Variants in F13A1 observed in about 807,000 individuals in gnomAD.
F13A1 encodes FSF, A subunit.
Under a neutral mutation model 80.1 loss-of-function variants are expected in F13A1, and 47 were observed. The ratio of observed to expected loss-of-function variants is 0.59; its 90% confidence interval spans 0.46 to 0.75. The LOEUF (loss-of-function observed/expected upper bound fraction) is 0.75, where lower values mean the gene tolerates loss of function less well. Among genes scored for constraint, F13A1 ranks in the 30% least tolerant of loss-of-function variants. The pLI is 0.00. For synonymous variants in F13A1, 349 were observed against 344.9 expected (o/e 1.01, Z -0.13); for missense variants, 817 against 930.4 (o/e 0.88, Z 1.59).
intron 3 of F13A1, among the ~76,000 whole-genome samples, chr6:6,303,455 A>G (rs1561685060): frequency 1.3e-5 from 2 of 152,168 alleles, no homozygotes; most frequent in Non-Finnish European, 2.9e-5. Context: ...TTTGATCAAT[A>G]TGTGATGTTT....
intron 10 of F13A1, among the ~76,000 whole-genome samples, chr6:6,183,269 T>C (rs1470127482): frequency 1.3e-5 from 2 of 152,234 alleles, no homozygotes; most frequent in African/African-American, 4.8e-5. Context: ...TCCTTCTTCA[T>C]AGGACGATTG....
intron 13 of F13A1, among the ~76,000 whole-genome samples, chr6:6,155,457 T>G (rs1041670293): frequency 1.3e-5 from 2 of 152,114 alleles, no homozygotes; most frequent in African/African-American, 4.8e-5. Flanking sequence ...GGGAGAAGGA[T>G]GGGGAGGGGT....
chr6:6,278,170 G>A (rs917506959), intron 3 of F13A1, among the ~76,000 whole-genome samples: 1 of 152,182 alleles, frequency 6.6e-6, no homozygotes, highest in Non-Finnish European at 1.5e-5. Context: ...ACTGTTCTAG[G>A]TACTGAGAAT....
At chr6:6,203,430 G>A (rs1761432509) in intron 8 of F13A1, among the ~76,000 whole-genome samples, 1 of 152,214 alleles carries the variant, frequency 6.6e-6, no homozygotes, top group African/African-American at 2.4e-5. Context: ...CTCATCAGAT[G>A]AGCCTTTTAA....
intron 6 of F13A1, among the ~76,000 whole-genome samples, chr6:6,246,144 T>A (rs1457446247): frequency 2.0e-5 from 3 of 152,198 alleles, no homozygotes; most frequent in Non-Finnish European, 4.4e-5. Context: ...ATTTAAAGAT[T>A]TTTTTTGTCT....
At chr6:6,207,093 A>C (rs1336806449) in intron 8 of F13A1, among the ~76,000 whole-genome samples, 1 of 152,104 alleles carries the variant, frequency 6.6e-6, no homozygotes, top group Admixed American at 6.6e-5. Context: ...TTCAAGGAAA[A>C]AAACAAACAA....
chr6:6,148,451 T>C (rs1760321961), intron 14 of F13A1, among the ~76,000 whole-genome samples: 1 of 152,136 alleles, frequency 6.6e-6, no homozygotes, highest in Non-Finnish European at 1.5e-5. Flanking sequence ...TGTGGGTGAA[T>C]GAGTGGGGGT....
intron 12 of F13A1, among the ~76,000 whole-genome samples, chr6:6,168,211 T>C (rs1302655872): frequency 6.6e-6 from 1 of 152,262 alleles, no homozygotes; most frequent in Non-Finnish European, 1.5e-5. Flanking sequence ...TCCGAACCTC[T>C]GTTTGTGATT....
intron 10 of F13A1, among the ~76,000 whole-genome samples, chr6:6,191,923 G>A (rs1761208756): frequency 6.6e-6 from 1 of 152,212 alleles, no homozygotes; most frequent in African/African-American, 2.4e-5. Context: ...AAACAACAGG[G>A]CAGATGGTGA....
At chr6:6,283,329 C>G (rs944267577) in intron 3 of F13A1, among the ~76,000 whole-genome samples, 1 of 152,174 alleles carries the variant, frequency 6.6e-6, no homozygotes, top group Non-Finnish European at 1.5e-5. Flanking sequence ...TGATCCTGGA[C>G]TAGCTTCTGT....
chr6:6,188,254 C>T (rs1022048737), intron 10 of F13A1, among the ~76,000 whole-genome samples: 5 of 151,538 alleles, frequency 3.3e-5, no homozygotes, highest in Admixed American at 6.6e-5. Flanking sequence ...TTATTTCTTG[C>T]CTTCTGCTAG....
intron 10 of F13A1, among the ~76,000 whole-genome samples, chr6:6,192,097 C>G (rs1761211799): frequency 6.6e-6 from 1 of 152,134 alleles, no homozygotes; most frequent in Admixed American, 6.5e-5. Context: ...TCTAAAAGTG[C>G]TGACACAAGA....
intron 14 of F13A1, among the ~76,000 whole-genome samples, chr6:6,149,812 AACT>A (rs1433789667): frequency 6.6e-6 from 1 of 152,242 alleles, no homozygotes; most frequent in African/African-American, 2.4e-5. Flanking sequence ...GTGTTGCAGT[AACT>A]ACTAACAGTA....
chr6:6,246,812 T>A (rs1757560249), intron 6 of F13A1, among the ~76,000 whole-genome samples: 1 of 152,220 alleles, frequency 6.6e-6, no homozygotes, highest in Non-Finnish European at 1.5e-5. Flanking sequence ...AGTAAGCTTA[T>A]GCTGATGAGT....
chr6:6,163,673 T>C (rs952206795), intron 13 of F13A1, among the ~76,000 whole-genome samples: 1 of 152,210 alleles, frequency 6.6e-6, no homozygotes, highest in African/African-American at 2.4e-5. Context: ...CATGACCTCA[T>C]CCTTTTTTAC....
intron 7 of F13A1, 139 bp from the exon 8 acceptor site, chr6:6,222,310 T>C: frequency 8.2e-7 from 1 of 1,213,518 alleles, no homozygotes; most frequent in South Asian, 1.3e-5. Flanking sequence ...AAATGTTCCA[T>C]GCTGGAAAAG....
At chr6:6,255,303 G>T (rs1757688694) in intron 4 of F13A1, among the ~76,000 whole-genome samples, 1 of 151,994 alleles carries the variant, frequency 6.6e-6, no homozygotes, top group Non-Finnish European at 1.5e-5. Context: ...TTTATAACAA[G>T]ACACATGAAC....
chr6:6,309,797 G>A (rs1758565196), intron 2 of F13A1, among the ~76,000 whole-genome samples: 1 of 152,128 alleles, frequency 6.6e-6, no homozygotes, highest in African/African-American at 2.4e-5. Context: ...TGGGTGAGGG[G>A]CCACGTGAGT....
At chr6:6,195,730 A>T in intron 10 of F13A1, 67 bp downstream of exon 10, 1 of 1,435,824 alleles carries the variant, frequency 7.0e-7, no homozygotes, top group African/African-American at 1.4e-5. Flanking sequence ...AACAACTTTT[A>T]GCTTACTCTT....
Sources: gnomAD v4.1 joint callset for allele counts (sites outside exome capture counted in the v4.1 genomes callset) on GRCh38, gnomAD v4.1.1 for gene constraint, MANE v1.5 for transcripts, NCBI Gene and HGNC (gene_info 2026-07-23, HGNC 2026-07-21) for gene names.